Variants in CNTNAP5 observed in about 807,000 individuals in gnomAD.
CNTNAP5 encodes contactin-associated protein-like 5.
CNTNAP5 carries 72 observed loss-of-function variants against 150.2 expected under a neutral mutation model. The ratio of observed to expected loss-of-function variants is 0.48; its 90% CI spans 0.40 to 0.58. CNTNAP5 has a LOEUF of 0.58. CNTNAP5 is among the 20% of genes least tolerant of loss of function. CNTNAP5 has a pLI of 0.00. For synonymous variants in CNTNAP5, 672 were observed against 619.8 expected, an observed-to-expected ratio of 1.08 and a Z score of -1.25; for missense variants, 1,636 against 1,626.2, an observed-to-expected ratio of 1.01 and a Z score of -0.10.
At chr2:124,338,345 G>A (rs1195739009) in intron 3 of CNTNAP5, among the ~76,000 whole-genome samples, 5 of 152,130 alleles carry the variant, frequency 3.3e-5, no homozygotes, top group South Asian at 2.1e-4. Context: ...TTTCCTAATC[G>A]AATACCCTTT....
At chr2:124,735,132 C>T (rs1460144116) in intron 13 of CNTNAP5, among the ~76,000 whole-genome samples, 2 of 152,118 alleles carry the variant, frequency 1.3e-5, no homozygotes, top group Non-Finnish European at 2.9e-5. Flanking sequence ...ATATGTACCC[C>T]CTTTCCTCCA....
intron 3 of CNTNAP5, among the ~76,000 whole-genome samples, chr2:124,245,730 T>A (rs1687004888): frequency 6.6e-6 from 1 of 150,742 alleles, no homozygotes; most frequent in Non-Finnish European, 1.5e-5. Context: ...CACAAATATA[T>A]ACATATATAT....
At chr2:124,480,483 A>C (rs533360766) in intron 7 of CNTNAP5, among the ~76,000 whole-genome samples, 1 of 152,294 alleles carries the variant, frequency 6.6e-6, no homozygotes, top group East Asian at 1.9e-4. Flanking sequence ...ATAAGGGTGG[A>C]CATGAGAGCA....
chr2:124,794,371 T>C (rs1294857591), intron 18 of CNTNAP5, among the ~76,000 whole-genome samples: 1 of 152,182 alleles, frequency 6.6e-6, no homozygotes, highest in Non-Finnish European at 1.5e-5. Context: ...GTGTTTAACA[T>C]TCGATGAGCA....
intron 10 of CNTNAP5, among the ~76,000 whole-genome samples, chr2:124,561,448 T>G (rs1695890406): frequency 6.6e-6 from 1 of 152,122 alleles, no homozygotes; most frequent in Non-Finnish European, 1.5e-5. Flanking sequence ...GAAAAGCCTG[T>G]GGCCTCTGCT....
chr2:124,357,439 G>T (rs1246053673), intron 3 of CNTNAP5, among the ~76,000 whole-genome samples: 1 of 151,926 alleles, frequency 6.6e-6, no homozygotes, highest in Non-Finnish European at 1.5e-5. Context: ...TATGGTTTTA[G>T]GTCTAACATT....
chr2:124,221,678 TC>T, intron 1 of CNTNAP5, 26 bp from the exon 2 acceptor site: 1 of 1,405,288 alleles, frequency 7.1e-7, no homozygotes, highest in Non-Finnish European at 1.0e-6. Context: ...ATCTGGTCTC[TC>T]TCCCTCTGTC....
chr2:124,588,324 T>C (rs1696603506), intron 11 of CNTNAP5, among the ~76,000 whole-genome samples: 1 of 151,892 alleles, frequency 6.6e-6, no homozygotes, highest in South Asian at 2.1e-4. Flanking sequence ...GACACTATTA[T>C]GAAATGCAAC....
chr2:124,358,105 G>A (rs1690074536), intron 3 of CNTNAP5, among the ~76,000 whole-genome samples: 1 of 152,144 alleles, frequency 6.6e-6, no homozygotes, highest in Non-Finnish European at 1.5e-5. Context: ...TTGGCTCTCT[G>A]TCTGTTGTTG....
At chr2:124,254,554 G>T (rs1687262718) in intron 3 of CNTNAP5, among the ~76,000 whole-genome samples, 1 of 152,180 alleles carries the variant, frequency 6.6e-6, no homozygotes, top group Non-Finnish European at 1.5e-5. Context: ...AGTGGATCTG[G>T]AAACAAGGTA....
intron 3 of CNTNAP5, among the ~76,000 whole-genome samples, chr2:124,244,205 G>C (rs75027723): frequency 6.6e-6 from 1 of 152,054 alleles, no homozygotes; most frequent in Non-Finnish European, 1.5e-5. Flanking sequence ...TGAGCAGGGG[G>C]CACAAAGCCT....
chr2:124,246,910 A>T (rs1687043732), intron 3 of CNTNAP5, among the ~76,000 whole-genome samples: 2 of 152,142 alleles, frequency 1.3e-5, no homozygotes, highest in Non-Finnish European at 2.9e-5. Flanking sequence ...CCAAACAGAC[A>T]GCCATATAGT....
At chr2:124,846,291 TG>T (rs1683046174) in intron 19 of CNTNAP5, among the ~76,000 whole-genome samples, 1 of 152,184 alleles carries the variant, frequency 6.6e-6, no homozygotes, top group Non-Finnish European at 1.5e-5. Flanking sequence ...AAAATTTTTT[TG>T]TCTTTGTTGA....
intron 1 of CNTNAP5, among the ~76,000 whole-genome samples, chr2:124,165,224 C>T (rs1323943073): frequency 1.3e-5 from 2 of 152,100 alleles, no homozygotes; most frequent in Non-Finnish European, 2.9e-5. Context: ...GGATTTGAAT[C>T]CCAGCTTAAT....
chr2:124,095,492 C>G (rs941247720), intron 1 of CNTNAP5, among the ~76,000 whole-genome samples: 5 of 152,060 alleles, frequency 3.3e-5, no homozygotes, highest in African/African-American at 1.2e-4. Flanking sequence ...GCACATGTAT[C>G]CCAGAACTTA....
At chr2:124,622,338 T>A (rs1380766019) in intron 12 of CNTNAP5, among the ~76,000 whole-genome samples, 2 of 152,198 alleles carry the variant, frequency 1.3e-5, no homozygotes, top group African/African-American at 4.8e-5. Context: ...CCATGGTGCA[T>A]ATGAACTATA....
chr2:124,602,915 G>A (rs1697016637), intron 11 of CNTNAP5, among the ~76,000 whole-genome samples: 1 of 152,034 alleles, frequency 6.6e-6, no homozygotes, highest in Admixed American at 6.5e-5. Context: ...TGCCATAATT[G>A]TAACTATCAA....
intron 3 of CNTNAP5, among the ~76,000 whole-genome samples, chr2:124,413,923 G>T (rs992011882): frequency 6.6e-6 from 1 of 151,566 alleles, no homozygotes; most frequent in African/African-American, 2.4e-5. Flanking sequence ...GAACTTCGGA[G>T]AATAGCCTTA....
chr2:124,126,887 C>T (rs953151448), intron 1 of CNTNAP5, among the ~76,000 whole-genome samples: 1 of 152,110 alleles, frequency 6.6e-6, no homozygotes, highest in African/African-American at 2.4e-5. Context: ...TCTCAATAAA[C>T]TAGGTATTGA....
Sources: gnomAD v4.1 joint callset for allele counts (sites outside exome capture counted in the v4.1 genomes callset) on GRCh38, gnomAD v4.1.1 for gene constraint, MANE v1.5 for transcripts, NCBI Gene and HGNC (gene_info 2026-07-23, HGNC 2026-07-21) for gene names.